The following LDLRAD4 variants were observed in gnomAD, a reference collection of about 807,000 sequenced individuals.
LDLRAD4 encodes low density lipoprotein receptor class A domain containing 4.
In LDLRAD4, 5 loss-of-function variants were observed where a neutral mutation model predicts 17.0. The ratio of observed to expected loss-of-function variants is 0.29; its 90% CI spans 0.15 to 0.62. LDLRAD4 has a LOEUF of 0.62. Among genes scored for constraint, LDLRAD4 ranks in the 20% least tolerant of loss-of-function variants. LDLRAD4 has a pLI of 0.84. For missense variants in LDLRAD4, 340 were observed against 424.7 expected, an observed-to-expected ratio of 0.80 and a Z score of 1.75; for synonymous variants, 168 against 171.8, an observed-to-expected ratio of 0.98 and a Z score of 0.17.
intron 1 of LDLRAD4, among the ~76,000 whole-genome samples, chr18:13,297,990 G>A (rs2046365165): frequency 6.6e-6 from 1 of 152,224 alleles, no homozygotes; most frequent in African/African-American, 2.4e-5. Context: ...GATGCATGGG[G>A]CATGCAGCAG....
intron 1 of LDLRAD4, among the ~76,000 whole-genome samples, chr18:13,357,509 A>G (rs551951246): frequency 6.6e-6 from 1 of 152,154 alleles, no homozygotes; most frequent in South Asian, 2.1e-4. Context: ...GACTTGTGGT[A>G]TAATTCAACA....
chr18:13,632,654 A>G (rs2148900609), intron 4 of LDLRAD4, among the ~76,000 whole-genome samples: 1 of 152,252 alleles, frequency 6.6e-6, no homozygotes, highest in South Asian at 2.1e-4. Context: ...CTTGTCCCCC[A>G]CAGTGTGGTG....
chr18:13,242,172 T>A (rs2042692739), intron 1 of LDLRAD4: 1 of 152,256 alleles, frequency 6.6e-6, no homozygotes, highest in African/African-American at 2.4e-5. Context: ...AAGAACGTGC[T>A]TCTGACTTGT....
At chr18:13,527,918 G>A (rs1313625548) in intron 3 of LDLRAD4, among the ~76,000 whole-genome samples, 1 of 152,146 alleles carries the variant, frequency 6.6e-6, no homozygotes, top group African/African-American at 2.4e-5. Flanking sequence ...CATTCTCAAA[G>A]CTTGCCTCCT....
chr18:13,414,772 C>G (rs2088717501), intron 2 of LDLRAD4, among the ~76,000 whole-genome samples: 1 of 152,212 alleles, frequency 6.6e-6, no homozygotes, highest in African/African-American at 2.4e-5. Context: ...TGTCCTTGGA[C>G]TGTGTAGACC....
At chr18:13,275,192 T>G (rs982634195), upstream of LDLRAD4, among the ~76,000 whole-genome samples, 18 of 152,228 alleles carry the variant, frequency 1.2e-4, no homozygotes, top group African/African-American at 4.1e-4. Flanking sequence ...AATGGAAAAT[T>G]AAAAATGAGT....
At chr18:13,259,891 C>T (rs1051908431) in intron 1 of LDLRAD4, among the ~76,000 whole-genome samples, 2 of 152,222 alleles carry the variant, frequency 1.3e-5, no homozygotes, top group African/African-American at 2.4e-5. Flanking sequence ...GTCTCTTGGC[C>T]CAATGGAGGC....
chr18:13,543,874 A>G (rs977094269), intron 3 of LDLRAD4, among the ~76,000 whole-genome samples: 5 of 152,316 alleles, frequency 3.3e-5, no homozygotes, highest in African/African-American at 1.2e-4. Context: ...CCTACCTCCA[A>G]CAGGGCTGCT....
At chr18:13,341,349 C>T (rs1027869651) in intron 1 of LDLRAD4, among the ~76,000 whole-genome samples, 5 of 152,076 alleles carry the variant, frequency 3.3e-5, no homozygotes, top group African/African-American at 1.2e-4. Context: ...ATATTATTTT[C>T]TAATCCATGA....
chr18:13,424,362 G>A (rs981269142), intron 2 of LDLRAD4, among the ~76,000 whole-genome samples: 2 of 152,134 alleles, frequency 1.3e-5, no homozygotes, highest in Admixed American at 1.3e-4. Context: ...CTGTGTGGAC[G>A]TCTGTGACAG....
chr18:13,562,630 T>G (rs1039079507), intron 3 of LDLRAD4, among the ~76,000 whole-genome samples: 2 of 152,150 alleles, frequency 1.3e-5, no homozygotes, highest in Non-Finnish European at 2.9e-5. Context: ...TTGACTAACA[T>G]CTCCCCATCG....
chr18:13,288,424 A>G (rs544512445), intron 1 of LDLRAD4, among the ~76,000 whole-genome samples: 2 of 152,364 alleles, frequency 1.3e-5, no homozygotes, highest in Admixed American at 6.5e-5. Flanking sequence ...TGTCCAATTT[A>G]TAGTAAAGAA....
intron 1 of LDLRAD4, chr18:13,241,821 CCTG>C (rs1167621982): frequency 6.6e-6 from 1 of 152,294 alleles, no homozygotes; most frequent in Non-Finnish European, 1.5e-5. Flanking sequence ...CGTAATTACT[CCTG>C]CTGGAGACCG....
intron 1 of LDLRAD4, among the ~76,000 whole-genome samples, chr18:13,296,593 T>TA (rs58951679): frequency 0.23 from 34,806 of 149,064 alleles, 4,285 homozygotes; most frequent in Middle Eastern, 0.36. Flanking sequence ...TTTTTTTTTT[T>TA]AAAGAACTCT....
At chr18:13,344,115 T>G (rs1170112310) in intron 1 of LDLRAD4, among the ~76,000 whole-genome samples, 3 of 152,244 alleles carry the variant, frequency 2.0e-5, no homozygotes, top group Admixed American at 6.5e-5. Flanking sequence ...TTTTGGCTTT[T>G]GATGCCATTG....
intron 3 of LDLRAD4, among the ~76,000 whole-genome samples, chr18:13,511,358 A>G (rs1164229683): frequency 6.6e-6 from 1 of 152,020 alleles, no homozygotes; most frequent in Non-Finnish European, 1.5e-5. Context: ...CTAAAAATAC[A>G]AAAATTAGCC....
At chr18:13,486,931 G>A (rs2093239446) in intron 3 of LDLRAD4, 1 of 152,128 alleles carries the variant, frequency 6.6e-6, no homozygotes, top group Admixed American at 6.6e-5. Flanking sequence ...CACGTCCGCA[G>A]ACCCCTGCCG....
At chr18:13,454,395 A>G (rs572982501) in intron 3 of LDLRAD4, among the ~76,000 whole-genome samples, 20 of 152,334 alleles carry the variant, frequency 1.3e-4, no homozygotes, top group Admixed American at 1.3e-3. Context: ...TGTGAATAAT[A>G]TGGAATTTTG....
upstream of LDLRAD4, among the ~76,000 whole-genome samples, chr18:13,273,519 T>C (rs558399495): frequency 6.6e-6 from 1 of 152,260 alleles, no homozygotes; most frequent in Non-Finnish European, 1.5e-5. Flanking sequence ...AGGCTTGTCT[T>C]GAACTTAAGC....
Sources: gnomAD v4.1 joint callset for allele counts (sites outside exome capture counted in the v4.1 genomes callset) on GRCh38, gnomAD v4.1.1 for gene constraint, MANE v1.5 for transcripts, NCBI Gene and HGNC (gene_info 2026-07-23, HGNC 2026-07-21) for gene names.